FOXJ3: variants seen among roughly 807,000 people sequenced by gnomAD.
FOXJ3 encodes the protein forkhead box J3.
A neutral mutation model predicts 76.1 loss-of-function variants in FOXJ3; 22 were observed. That is an observed-to-expected ratio of 0.29 (90% CI 0.21 to 0.41). FOXJ3 has a LOEUF of 0.41. Ranked by LOEUF, FOXJ3 falls within the 10% of genes least tolerant of loss-of-function variation. The probability of loss-of-function intolerance (pLI) is 1.00; values close to 1 mark genes in which losing one functional copy is unlikely to be tolerated. For missense variants in FOXJ3, 613 were observed against 762.1 expected, an observed-to-expected ratio of 0.80 and a Z score of 2.30; for synonymous variants, 269 against 261.2, an observed-to-expected ratio of 1.03 and a Z score of -0.29.
At chr1:42,231,952 C>T (rs1354009699) in intron 4 of FOXJ3, among the ~76,000 whole-genome samples, 1 of 152,142 alleles carries the variant, frequency 6.6e-6, no homozygotes, top group African/African-American at 2.4e-5. Context: ...TCCCCCCTAC[C>T]CCCACCCCAC....
intron 5 of FOXJ3, among the ~76,000 whole-genome samples, chr1:42,217,539 A>AT (rs1557645417): frequency 6.6e-6 from 1 of 152,182 alleles, no homozygotes; most frequent in Non-Finnish European, 1.5e-5. Flanking sequence ...AAAAAAAAAA[A>AT]TCCTTACAAT....
Position 42,248,593 on chromosome 1 carries a change from C to T in FOXJ3, c.444+16522G>A, listed in dbSNP as rs1000886714. On this transcript the variant is annotated intron_variant, in intron 4 of 12. Transcript: ENST00000361346. Reference sequence around the variant, plus strand: ...ATGTAAATTTTTTCTCAATAAAAAACATTTTTTTGATCTAAGAGAAAAAGG... The same window carrying T: ...ATGTAAATTTTTTCTCAATAAAAAATATTTTTTTGATCTAAGAGAAAAAGG... 3.4e-5 allele frequency among the ~76,000 whole-genome samples: 5 copies of T among 149,016 alleles called. No individual in the cohort carries two copies. In the South Asian group the frequency reaches 8.5e-4, roughly 25 times the overall value.
At chr1:42,258,105 T>G (rs1040365585) in intron 4 of FOXJ3, among the ~76,000 whole-genome samples, 6 of 152,222 alleles carry the variant, frequency 3.9e-5, no homozygotes, top group Non-Finnish European at 5.9e-5. Context: ...GTAAAGGGAA[T>G]CATCATAGAC....
At chr1:42,324,210 T>C (rs1655676289) in intron 1 of FOXJ3, among the ~76,000 whole-genome samples, 2 of 138,256 alleles carry the variant, frequency 1.4e-5, no homozygotes, top group South Asian at 4.4e-4. Flanking sequence ...ATATATATAC[T>C]ATATATATAA....
chr1:42,270,156 C>T (rs1557688588), intron 3 of FOXJ3, among the ~76,000 whole-genome samples: 1 of 152,114 alleles, frequency 6.6e-6, no homozygotes, highest in Admixed American at 6.6e-5. Context: ...CTGCCCCCAG[C>T]CTTACTCCAT....
At chr1:42,258,454 G>C (rs1242580876) in intron 4 of FOXJ3, among the ~76,000 whole-genome samples, 1 of 152,124 alleles carries the variant, frequency 6.6e-6, no homozygotes, top group African/African-American at 2.4e-5. Flanking sequence ...TGGACAATAG[G>C]TTAAATAGCT....
rs903735068 is a variant in FOXJ3, at chr1:42,325,036, C to A, written c.-18+10023G>T. ...CTGTATATATATGCCCCACAGTTGA[C>A]CAAAATGTCATTATGTGGCACATGA... is the stretch of plus-strand genomic sequence containing the variant. On this transcript the variant is annotated intron_variant, in intron 1 of 12. Transcript: ENST00000361346. 7.9e-5 allele frequency among the ~76,000 whole-genome samples: 12 copies of A among 152,164 alleles called. No homozygotes were observed. The East Asian group carries it at 9.7e-4, about 12-fold the overall frequency.
At chr1:42,333,703 A>AATCT (rs1269806790) in intron 1 of FOXJ3, among the ~76,000 whole-genome samples, 1 of 152,180 alleles carries the variant, frequency 6.6e-6, no homozygotes, top group Non-Finnish European at 1.5e-5. Flanking sequence ...TGGAAACCCT[A>AATCT]ATCTGGAAGA....
chr1:42,334,740 C>A lies in FOXJ3; in HGVS notation c.-18+319G>T, dbSNP rs554569065. On this transcript the variant is annotated intron_variant, in intron 1 of 12. Transcript: ENST00000361346. ...CGGTCGCTGCCCTCGGACTAGGCGC[C>A]CCCGGGATCCACGTCTGGTTCCCCG... Among the ~76,000 whole-genome samples the A allele has an allele frequency of 4.3e-3, 658 of 151,968 alleles. 9 individuals are homozygous for A. The highest frequency in any genetic ancestry group is 0.015 in the African/African-American group (635 of 41,438).
rs1005570354 is a variant in FOXJ3, at chr1:42,189,311, T to G, written c.1445A>C (p.Gln482Pro). The change falls in exon 10 of 13, where the codon CAG becomes CCG. Residue 482 changes from glutamine (Q) to proline (P), a missense_variant. By Grantham distance (76) the Gln-to-Pro change is moderately conservative (BLOSUM62 -1). Around this residue, in one of 3 missense-constraint regions of FOXJ3, gnomAD observed 526 missense variants for 601.4 expected, o/e 0.87. Coordinates refer to ENST00000361346, the MANE Select transcript of FOXJ3 (RefSeq NM_014947.5). ...SVNWSDVDLS[Q>P]FQGLMESMRQ... ...AAAGAACCAACACTCACCTTGAAAC[T>G]GTGAAAGGTCTACATCTGACCAATT... 1 of 1,607,684 alleles carries G rather than the reference T, an allele frequency of 6.2e-7. No homozygotes were observed. The highest frequency in any genetic ancestry group is 8.5e-7 in the Non-Finnish European group (1 of 1,174,212).
chr1:42,334,761 C>G (rs1656370972), intron 1 of FOXJ3, among the ~76,000 whole-genome samples: 1 of 151,442 alleles, frequency 6.6e-6, no homozygotes, highest in South Asian at 2.1e-4. Flanking sequence ...ACGTCTGGTT[C>G]CCCGGTGCCC....
intron 4 of FOXJ3, among the ~76,000 whole-genome samples, chr1:42,228,911 T>G (rs899484806): frequency 6.6e-6 from 1 of 152,156 alleles, no homozygotes; most frequent in Non-Finnish European, 1.5e-5. Flanking sequence ...AAATTTAGTC[T>G]TCACCTCTAC....
chr1:42,198,774 A>T (rs1050415451), intron 7 of FOXJ3, among the ~76,000 whole-genome samples: 2 of 152,204 alleles, frequency 1.3e-5, no homozygotes, highest in South Asian at 2.1e-4. Context: ...AAGCTCTAAG[A>T]AGTACAGAAT....
intron 3 of FOXJ3, among the ~76,000 whole-genome samples, chr1:42,272,041 C>A (rs1651903352): frequency 6.6e-6 from 1 of 152,178 alleles, no homozygotes. Flanking sequence ...TATGTAATCT[C>A]CCTTCAAGGC....
At chr1:42,215,140 A>G (rs962632025) in intron 5 of FOXJ3, among the ~76,000 whole-genome samples, 1 of 152,250 alleles carries the variant, frequency 6.6e-6, no homozygotes, top group African/African-American at 2.4e-5. Context: ...CTTGGCAGAA[A>G]GGGAAATCTA....
At chr1:42,244,556 C>T (rs529678927) in intron 4 of FOXJ3, among the ~76,000 whole-genome samples, 67 of 151,494 alleles carry the variant, frequency 4.4e-4, no homozygotes, top group Non-Finnish European at 6.9e-4. Flanking sequence ...CAGAGCAAAA[C>T]TAAACAAAAG....
intron 1 of FOXJ3, among the ~76,000 whole-genome samples, chr1:42,330,685 C>A: frequency 6.6e-6 from 1 of 152,028 alleles, no homozygotes; most frequent in East Asian, 1.9e-4. Flanking sequence ...TGAGTCAGTA[C>A]ATTTTCCAGT....
chr1:42,202,184 A>G (rs542200122), intron 6 of FOXJ3, among the ~76,000 whole-genome samples: 40 of 152,140 alleles, frequency 2.6e-4, no homozygotes, highest in Middle Eastern at 6.8e-3. Flanking sequence ...TTAGTCTGTT[A>G]TTAATCCCAT....
chr1:42,205,927 G>T, intron 5 of FOXJ3, 64 bp from the exon 6 acceptor site: 1 of 885,794 alleles, frequency 1.1e-6, no homozygotes, highest in Non-Finnish European at 1.8e-6. Context: ...AACACAGTTT[G>T]AAGGGATCTC....
Sources: allele counts gnomAD v4.1 joint callset (sites outside exome capture counted in the v4.1 genomes callset), GRCh38; gene constraint gnomAD v4.1.1; regional missense constraint gnomAD v4.1.1; transcripts MANE v1.5; gene names NCBI Gene and HGNC (gene_info 2026-07-23, HGNC 2026-07-21).